CTDP1: variants seen among roughly 807,000 people sequenced by gnomAD.
CTDP1 encodes the protein CTD phosphatase 1.
A neutral mutation model predicts 91.8 loss-of-function variants in CTDP1; 47 were observed. The observed-to-expected ratio is 0.51, with a 90% CI of 0.41 to 0.65. The LOEUF is 0.65. Ranked by LOEUF, CTDP1 falls within the 30% of genes least tolerant of loss-of-function variation. CTDP1 has a pLI of 0.00. For synonymous variants in CTDP1, 656 were observed against 598.5 expected, an observed-to-expected ratio of 1.10 and a Z score of -1.40; for missense variants, 1,272 against 1,373.7, an observed-to-expected ratio of 0.93 and a Z score of 1.17.
downstream of CTDP1, chr18:79,755,371 A>G (rs1427207292): frequency 3.3e-4 from 50 of 152,166 alleles, 1 homozygote; most frequent in Admixed American, 3.3e-3. Context: ...TCCTGTCCAG[A>G]GAAGCAGGAG....
chr18:79,697,533 G>A (rs1409321087), intron 3 of CTDP1, among the ~76,000 whole-genome samples: 2 of 152,190 alleles, frequency 1.3e-5, no homozygotes, highest in Non-Finnish European at 2.9e-5. Context: ...CGGCCGACTT[G>A]GTTTCTTCAT....
At chr18:79,719,673 G>A (rs879722795) in intron 10 of CTDP1, among the ~76,000 whole-genome samples, 12 of 147,360 alleles carry the variant, frequency 8.1e-5, no homozygotes, top group Admixed American at 8.1e-4. Context: ...CCCATCATTA[G>A]GAAAGCGTCC....
chr18:79,692,689 C>T (rs925236758), intron 1 of CTDP1, among the ~76,000 whole-genome samples: 6 of 151,964 alleles, frequency 3.9e-5, no homozygotes, highest in African/African-American at 7.3e-5. Context: ...GAGCGAGGAG[C>T]CCGCCGTGAG....
In CTDP1 at chr18:79,696,161, G is replaced by A. The variant is rs58480469; in HGVS notation, c.492+91G>A. The stretch of plus-strand genomic sequence containing the variant: ...GGAGGGTGGCTGCAGAAGCACGGAC[G>A]TGTGGTTGTCATCGTCGTTACTGAA... On this transcript the variant is annotated intron_variant, in intron 3 of 12. Transcript: ENST00000613122. The A allele has an allele frequency of 0.053, 59,924 of 1,132,574 alleles. 2,335 individuals are homozygous for A. Among genetic ancestry groups the A allele is most frequent in the South Asian group, 0.15 (11,301 of 77,916 alleles). The allele number at this position is 1,132,574 out of a possible 1,614,324, so 70.2% of individuals were successfully genotyped here. A position where few individuals can be genotyped will look rare whatever the true frequency, so the allele number is the denominator to read the frequency against.
In CTDP1 at chr18:79,693,892, C is replaced by G. The variant is rs557275464; in HGVS notation, c.315-1333C>G. Among the ~76,000 whole-genome samples the G allele has an allele frequency of 1.4e-3, 201 of 147,880 alleles. 1 individual carries two copies. The highest frequency in any genetic ancestry group is 4.7e-3 in the African/African-American group (177 of 37,646). On this transcript the variant is annotated intron_variant, in intron 1 of 12. Coordinates refer to ENST00000613122, the MANE Select transcript of CTDP1 (RefSeq NM_004715.5). Reference sequence around the variant, plus strand: ...GATGCAGGCTACAGACCCGCCCCTCCGCTCCCCTGCAGGATGCAGGCTGCA... The same window carrying G: ...GATGCAGGCTACAGACCCGCCCCTCGGCTCCCCTGCAGGATGCAGGCTGCA...
At chr18:79,733,344 T>C (rs2122763686) in intron 11 of CTDP1, among the ~76,000 whole-genome samples, 1 of 152,322 alleles carries the variant, frequency 6.6e-6, no homozygotes, top group Admixed American at 6.5e-5. Flanking sequence ...ACAAAGAGAC[T>C]CACACCCATG....
Position 79,754,226 on chromosome 18 carries a change from A to G in CTDP1, c.*436A>G. On this transcript the variant is annotated 3_prime_UTR_variant, in exon 13 of 13. Coordinates refer to ENST00000613122, the MANE Select transcript of CTDP1 (RefSeq NM_004715.5). ...CGAGCCCAGCACAGACATGCCTGGAACCCCCGCCGCCTGCTGCTCCCTCCT... is the reference window on the plus strand; with the variant it reads ...CGAGCCCAGCACAGACATGCCTGGAGCCCCCGCCGCCTGCTGCTCCCTCCT... The G allele has an allele frequency of 4.2e-6, 1 of 237,648 alleles. No homozygotes were observed. The allele number at this position is 237,648 out of a possible 1,614,324, so 14.7% of individuals were successfully genotyped here. A position where few individuals can be genotyped will look rare whatever the true frequency, so the allele number is the denominator to read the frequency against.
chr18:79,700,116 C>T (rs1012598569), intron 4 of CTDP1, among the ~76,000 whole-genome samples: 2 of 152,138 alleles, frequency 1.3e-5, no homozygotes, highest in African/African-American at 2.4e-5. Context: ...GTCTCTGTCC[C>T]GGTGCTCAGG....
At chr18:79,683,948 A>G (rs1010607586) in intron 1 of CTDP1, among the ~76,000 whole-genome samples, 1 of 152,198 alleles carries the variant, frequency 6.6e-6, no homozygotes, top group Non-Finnish European at 1.5e-5. Flanking sequence ...TTGTTCCTTT[A>G]TCTTGATCCT....
intron 12 of CTDP1, among the ~76,000 whole-genome samples, chr18:79,747,849 C>T (rs2086912515): frequency 6.6e-6 from 1 of 152,196 alleles, no homozygotes; most frequent in African/African-American, 2.4e-5. Context: ...GTTCCATCCC[C>T]TTTGGATTAG....
At position 79,717,861 on chromosome 18, in the gene CTDP1, C is replaced by T. The variant is rs765557796; in HGVS notation, c.2262C>T (p.Ala754=). ...ACCGGGAGGGTGTGCCCCCCACCGCCTTGTTCCACCCGATGCCGGTTCTTC... is the reference window on the plus strand; with the variant it reads ...ACCGGGAGGGTGTGCCCCCCACCGCTTTGTTCCACCCGATGCCGGTTCTTC... The part of the protein sequence containing the change: ...FPDREGVPPT[A]LFHPMPVLPK... Residue 754 remains alanine (A), a synonymous_variant, in exon 10 of 13, where the codon GCC becomes GCT. Transcript: ENST00000613122. 89 of 1,613,606 alleles carry T rather than the reference C, an allele frequency of 5.5e-5. No homozygotes were observed. Among genetic ancestry groups the T allele is most frequent in the Non-Finnish European group, 7.0e-5 (83 of 1,180,022 alleles).
At chr18:79,751,434 T>C (rs2086998401) in intron 12 of CTDP1, among the ~76,000 whole-genome samples, 1 of 152,102 alleles carries the variant, frequency 6.6e-6, no homozygotes. Context: ...CTGGGGCCCT[T>C]GTGTTTCTCT....
At position 79,695,369 on chromosome 18, in the gene CTDP1, A is replaced by C; in HGVS notation, c.398+61A>C. 5 of 1,478,654 alleles carry C rather than the reference A, an allele frequency of 3.4e-6. No individual in the cohort carries two copies. The South Asian group carries it at 4.5e-5, about 13-fold the overall frequency. The allele number at this position is 1,478,654 out of a possible 1,614,324, so 91.6% of individuals were successfully genotyped here. ...GGGCTCGAGGTGGTGGCCTCCGGGGAGTCCGAGAAGCTGTGCTGGGAACAC... is the reference window on the plus strand; with the variant it reads ...GGGCTCGAGGTGGTGGCCTCCGGGGCGTCCGAGAAGCTGTGCTGGGAACAC... On this transcript the variant is annotated intron_variant, in intron 2 of 12. Coordinates refer to ENST00000613122, the MANE Select transcript of CTDP1 (RefSeq NM_004715.5).
intron 4 of CTDP1, among the ~76,000 whole-genome samples, chr18:79,700,264 GT>G (rs2085831835): frequency 6.6e-6 from 1 of 152,222 alleles, no homozygotes. Flanking sequence ...ATTATGCTTA[GT>G]GAGGAATGCA....
upstream of CTDP1, among the ~76,000 whole-genome samples, chr18:79,676,806 C>A (rs1015570174): frequency 6.6e-6 from 1 of 152,188 alleles, no homozygotes; most frequent in Non-Finnish European, 1.5e-5. Context: ...ACTTTCTTCC[C>A]AATAAATGTT....
At chr18:79,716,743 G>A (rs533745441) in intron 8 of CTDP1, among the ~76,000 whole-genome samples, 20 of 152,352 alleles carry the variant, frequency 1.3e-4, no homozygotes, top group African/African-American at 4.3e-4. Flanking sequence ...CCCTTCTCTC[G>A]CATTCCTTCC....
At chr18:79,678,930 C>CAGCCTCCCGAAGTGCTG (rs1169637074), upstream of CTDP1, 5 of 178,730 alleles carry the variant, frequency 2.8e-5, no homozygotes, top group South Asian at 9.5e-5. Flanking sequence ...CCGCCCGCCA[C>CAGCCTCCCGAAGTGCTG]AGCCTCCCGA....
chr18:79,696,518 G>A (rs1198296234), intron 3 of CTDP1, among the ~76,000 whole-genome samples: 1 of 152,064 alleles, frequency 6.6e-6, no homozygotes, highest in Non-Finnish European at 1.5e-5. Flanking sequence ...TCGGTGGCCG[G>A]GGGTAGGGGC....
chr18:79,718,102 G>T lies in CTDP1; in HGVS notation c.2417+86G>T, dbSNP rs181425812. ...GTCTGTTGGGGGGATGGCGTCAGTT[G>T]CCCGAAGTGAGGGCGGGTGGAGGCT... On this transcript the variant is annotated intron_variant, in intron 10 of 12. Transcript: ENST00000613122. 13 of 1,510,526 alleles carry T rather than the reference G, an allele frequency of 8.6e-6. No individual in the cohort carries two copies. In the East Asian group the frequency reaches 2.8e-4, roughly 33 times the overall value. 93.6% of individuals were successfully genotyped at this position (1,510,526 alleles called of 1,614,324 possible).
Sources: gnomAD v4.1 joint callset for allele counts (sites outside exome capture counted in the v4.1 genomes callset) on GRCh38, gnomAD v4.1.1 for gene constraint, MANE v1.5 for transcripts, NCBI Gene and HGNC (gene_info 2026-07-23, HGNC 2026-07-21) for gene names.